The following RS1 variants were observed in gnomAD, a reference collection of about 807,000 sequenced individuals.
RS1 encodes retinoschisin 1, also known as retinoschisin.
RS1 carries 2 observed loss-of-function variants against 20.8 expected under a neutral mutation model. That is an observed-to-expected ratio of 0.10 (90% confidence interval 0.04 to 0.30). The LOEUF (loss-of-function observed/expected upper bound fraction) is 0.30. Ranked by LOEUF, RS1 falls within the 10% of genes least tolerant of loss-of-function variation. RS1 has a pLI of 1.00. For synonymous variants in RS1, 70 were observed against 75.8 expected, an observed-to-expected ratio of 0.92 and a Z score of 0.40; for missense variants, 151 against 189.8, an observed-to-expected ratio of 0.80 and a Z score of 1.20.
chrX:18,649,520 G>A (rs1050549531), intron 3 of RS1, among the ~76,000 whole-genome samples: 8 of 111,888 alleles, frequency 7.2e-5, no homozygotes, highest in Admixed American at 3.8e-4. Flanking sequence ...CTCTGGCCGG[G>A]GAGGCTTAAC....
chrX:18,657,723 A>G (rs923555631), intron 1 of RS1, 58 bp from the exon 2 acceptor site: 12 of 933,220 alleles, frequency 1.3e-5, no homozygotes, highest in Non-Finnish European at 1.6e-5. Flanking sequence ...ATCCAACAGC[A>G]TCACTCGTTA....
At chrX:18,667,448 G>T (rs1157725298) in intron 1 of RS1, among the ~76,000 whole-genome samples, 5 of 109,665 alleles carry the variant, frequency 4.6e-5, no homozygotes, top group African/African-American at 1.7e-4. Flanking sequence ...GGGAGGCTGA[G>T]GGAGGAGAAT....
chrX:18,641,143 G>A lies in RS1; in HGVS notation c.*861C>T, dbSNP rs1343034857. On this transcript the variant is annotated 3_prime_UTR_variant, in exon 6 of 6. Transcript: ENST00000379984. ...GCCAGCTGTTCTCGAACTATGTTTGGTTTGCTAGGAAATGGTAGCCCTAGG... is the reference window on the plus strand; with the variant it reads ...GCCAGCTGTTCTCGAACTATGTTTGATTTGCTAGGAAATGGTAGCCCTAGG... The A allele has an allele frequency of 8.9e-6, 1 of 112,364 alleles. No homozygotes were observed. Among genetic ancestry groups the A allele is most frequent in the Non-Finnish European group, 1.9e-5 (1 of 53,259 alleles). 9.3% of individuals were successfully genotyped at this position (112,364 alleles called of 1,213,427 possible).
rs753958338 is a variant in RS1, at chrX:18,653,384, C to T, written c.184+3269G>A. 5.8e-6 allele frequency: 7 copies of T among 1,197,485 alleles called. No homozygotes were observed. In the Admixed American group the frequency reaches 1.1e-4, roughly 19 times the overall value. ...GCATTAGCCAGAGTGCACCTGCTAG[C>T]GCTCCTGGCAGCTCTGAGTGACCCC... On this transcript the variant is annotated intron_variant, in intron 3 of 5. Transcript: ENST00000379984.
chrX:18,652,694 A>T (rs1470635733), intron 3 of RS1, among the ~76,000 whole-genome samples: 1 of 111,676 alleles, frequency 9.0e-6, no homozygotes, highest in Admixed American at 9.5e-5. Context: ...GGGGATCCTT[A>T]TCAGACACAC....
intron 1 of RS1, among the ~76,000 whole-genome samples, chrX:18,667,508 C>T (rs1307382944): frequency 1.9e-5 from 2 of 105,566 alleles, no homozygotes; most frequent in Non-Finnish European, 3.9e-5. Flanking sequence ...GATCACGCCA[C>T]TGCACTCCAC....
chrX:18,667,889 G>C (rs1742735624), intron 1 of RS1, among the ~76,000 whole-genome samples: 1 of 111,913 alleles, frequency 8.9e-6, no homozygotes, highest in Non-Finnish European at 1.9e-5. Flanking sequence ...GAGAGAGAAG[G>C]AACGACAGGC....
intron 3 of RS1, among the ~76,000 whole-genome samples, chrX:18,656,430 G>A (rs1333968936): frequency 6.2e-5 from 7 of 112,058 alleles, no homozygotes; most frequent in Admixed American, 4.8e-4. Context: ...GTTGAAGCAG[G>A]GGCCATTGTG....
intron 1 of RS1, among the ~76,000 whole-genome samples, chrX:18,667,549 A>G (rs1033057839): frequency 8.3e-5 from 9 of 108,791 alleles, no homozygotes; most frequent in Non-Finnish European, 1.3e-4. Context: ...TCTGTCTCAA[A>G]AAAAAAAAAA....
At chrX:18,658,780 T>TTCATCG (rs1928263933) in intron 1 of RS1, among the ~76,000 whole-genome samples, 1 of 103,819 alleles carries the variant, frequency 9.6e-6, no homozygotes, top group Non-Finnish European at 2.0e-5. Flanking sequence ...TTATTAAATC[T>TTCATCG]TCATCATCAT....
chrX:18,653,295 T>A, intron 3 of RS1: 3 of 1,110,455 alleles, frequency 2.7e-6, no homozygotes, highest in Non-Finnish European at 2.4e-6. Context: ...GTATTTTTAA[T>A]AGCATTAAAG....
rs780257454 is a variant in RS1, at chrX:18,672,063, T to A, written c.6A>T (p.Ser2=). Residue 2 remains serine (S), a synonymous_variant, in exon 1 of 6, where the codon TCA becomes TCT. Coordinates refer to ENST00000379984, the MANE Select transcript of RS1 (RefSeq NM_000330.4). M[S]RKIEGFLLLL... ...ATAACAAAAAGCCTTCTATCTTGCG[T>A]GACATCTTCCCCTCGTCCTCGGCCA... The A allele has an allele frequency of 4.1e-6, 5 of 1,208,371 alleles. No homozygotes were observed. The Admixed American group carries it at 1.1e-4, about 27-fold the overall frequency.
chrX:18,661,815 TG>T (rs1293251741), intron 1 of RS1, among the ~76,000 whole-genome samples: 2 of 112,479 alleles, frequency 1.8e-5, no homozygotes, highest in Non-Finnish European at 3.8e-5. Flanking sequence ...TCCAGCCACT[TG>T]TGTCTTCTTC....
chrX:18,653,332 T>C, intron 3 of RS1: 1 of 1,158,422 alleles, frequency 8.6e-7, no homozygotes, highest in Non-Finnish European at 1.1e-6. Flanking sequence ...AGAATGCATG[T>C]GGCCTTCTGC....
chrX:18,671,914 T>C, intron 1 of RS1, 103 bp downstream of exon 1: 1 of 706,915 alleles, frequency 1.4e-6, no homozygotes, highest in Non-Finnish European at 2.2e-6. Context: ...TGTTGCTAAT[T>C]AATAATATTT....
rs1288098550 is a variant in RS1 at position 18,670,241 on chromosome X, T to TC, written c.52+1775_52+1776insG. On this transcript the variant is annotated intron_variant, in intron 1 of 5. Coordinates refer to ENST00000379984, the MANE Select transcript of RS1 (RefSeq NM_000330.4). Reference sequence around the variant, plus strand: ...TCAAGTCCTTTTTTTTTTTTTTTTTTTTGAGACTGAGTCTCGCTCAGTCAC... The same window carrying TC: ...TCAAGTCCTTTTTTTTTTTTTTTTTTCTTGAGACTGAGTCTCGCTCAGTCAC... 3.3e-4 allele frequency among the ~76,000 whole-genome samples: 34 copies of TC among 101,874 alleles called. No homozygotes were observed. The South Asian group carries it at 0.016, about 49-fold the overall frequency. The allele number at this position is 101,874 out of a possible 115,157, so 88.5% of individuals were successfully genotyped here. A position where few individuals can be genotyped will look rare whatever the true frequency, so the allele number is the denominator to read the frequency against.
At chrX:18,644,348 G>T in intron 5 of RS1, 82 bp downstream of exon 5, 2 of 866,511 alleles carry the variant, frequency 2.3e-6, no homozygotes, top group Non-Finnish European at 3.4e-6. Context: ...CTCTGACAGA[G>T]GGCAGTGACA....
In RS1 at chrX:18,654,426, T is replaced by C. The variant is rs576172836; in HGVS notation, c.184+2227A>G. On this transcript the variant is annotated intron_variant, in intron 3 of 5. Transcript: ENST00000379984. ...AGCCAATCCACATAAACAATGTCTT[T>C]TCAATTTCTTCTTAGACAGAACTTA... is the stretch of plus-strand genomic sequence containing the variant. Among the ~76,000 whole-genome samples, 5 of 111,929 alleles carry C rather than the reference T, an allele frequency of 4.5e-5. No individual in the cohort carries two copies. The South Asian group carries it at 1.1e-3, about 25-fold the overall frequency.
chrX:18,656,509 G>T, intron 3 of RS1, 144 bp downstream of exon 3: 1 of 552,489 alleles, frequency 1.8e-6, no homozygotes, highest in Admixed American at 2.3e-5. Context: ...GTAATAAATA[G>T]TAATAAATAC....
Sources: gnomAD v4.1 joint callset for allele counts (sites outside exome capture counted in the v4.1 genomes callset) on GRCh38, gnomAD v4.1.1 for gene constraint, MANE v1.5 for transcripts, NCBI Gene and HGNC (gene_info 2026-07-23, HGNC 2026-07-21) for gene names.